The following SPRYD4 variants were observed in gnomAD, a reference collection of about 807,000 sequenced individuals.
SPRYD4 encodes SPRY domain containing 4.
In SPRYD4, 12 loss-of-function variants were observed where a neutral mutation model predicts 16.6. The ratio of observed to expected loss-of-function variants is 0.72; its 90% CI spans 0.46 to 1.17. SPRYD4 has a LOEUF of 1.17. Among genes scored for constraint, SPRYD4 ranks in the 50% most tolerant of loss-of-function variants. The pLI, the probability that SPRYD4 is intolerant of heterozygous loss-of-function variation, is 0.00. For synonymous variants in SPRYD4, 98 were observed against 105.4 expected, an observed-to-expected ratio of 0.93 and a Z score of 0.43; for missense variants, 260 against 260.2, an observed-to-expected ratio of 1.00 and a Z score of 0.00.
chr12:56,472,019 GC>G lies in SPRYD4; in HGVS notation c.*2446del. 1 of 1,374,506 alleles carries G rather than the reference GC, an allele frequency of 7.3e-7. No homozygotes were observed. The highest frequency in any genetic ancestry group is 1.0e-6 in the Non-Finnish European group (1 of 973,438). 85.1% of individuals were successfully genotyped at this position (1,374,506 alleles called of 1,614,324 possible). On this transcript the variant is annotated 3_prime_UTR_variant, in exon 2 of 2. Coordinates refer to ENST00000338146, the MANE Select transcript of SPRYD4 (RefSeq NM_207344.4). ...GGGTGTCTAGATAAAACTAGTTGCT[GC>G]CCCTATAACCTTGAGGGCACATATA...
rs1400511327 is a variant in SPRYD4, at chr12:56,468,948, G to GTA, written c.86-89_86-88dup. 2.1e-6 allele frequency: 3 copies of GTA among 1,458,678 alleles called. No homozygotes were observed. In the African/African-American group the frequency reaches 4.3e-5, roughly 21 times the overall value. The allele number at this position is 1,458,678 out of a possible 1,614,324, so 90.4% of individuals were successfully genotyped here. A position where few individuals can be genotyped will look rare whatever the true frequency, so the allele number is the denominator to read the frequency against. ...TTCTGACTCTTCCCTAGTTGCTCGT[G>GTA]TATCATGGCTGCCTGCCTCATATCT... On this transcript the variant is annotated intron_variant, in intron 1 of 1. Coordinates refer to ENST00000338146, the MANE Select transcript of SPRYD4 (RefSeq NM_207344.4).
chr12:56,476,944 G>T lies in SPRYD4; in HGVS notation c.*7367G>T, dbSNP rs1379875229. ...CTTAGATGGGAATGGGATGAGGCAGGTCCCAGATACAGGTTTGTAGATGGA... is the reference window on the plus strand; with the variant it reads ...CTTAGATGGGAATGGGATGAGGCAGTTCCCAGATACAGGTTTGTAGATGGA... On this transcript the variant is annotated 3_prime_UTR_variant, in exon 2 of 2. Coordinates refer to ENST00000338146, the MANE Select transcript of SPRYD4 (RefSeq NM_207344.4). 1.3e-5 allele frequency: 2 copies of T among 152,182 alleles called. No homozygotes were observed. Among genetic ancestry groups the T allele is most frequent in the Non-Finnish European group, 2.9e-5 (2 of 68,068 alleles). The allele number at this position is 152,182 out of a possible 1,614,324, so 9.4% of individuals were successfully genotyped here.
At position 56,477,971 on chromosome 12, in the gene SPRYD4, C is replaced by T; in HGVS notation, c.*8394C>T. 2.5e-6 allele frequency: 4 copies of T among 1,614,188 alleles called. No homozygotes were observed. Among genetic ancestry groups the T allele is most frequent in the Non-Finnish European group, 3.4e-6 (4 of 1,180,004 alleles). Reference sequence around the variant, plus strand: ...GGAGAGCTTGTTGTAGCGCAGGCCACTTGGCTCTTTGCCCACAAACTTGTG... The same window carrying T: ...GGAGAGCTTGTTGTAGCGCAGGCCATTTGGCTCTTTGCCCACAAACTTGTG... On this transcript the variant is annotated 3_prime_UTR_variant, in exon 2 of 2. Coordinates refer to ENST00000338146, the MANE Select transcript of SPRYD4 (RefSeq NM_207344.4).
At chr12:56,468,859 A>G in intron 1 of SPRYD4, 180 bp from the exon 2 acceptor site, 1 of 1,030,402 alleles carries the variant, frequency 9.7e-7, no homozygotes, top group Admixed American at 2.9e-5. Context: ...ACTCAATCCG[A>G]GTTTTTCAGC....
Position 56,478,298 on chromosome 12 carries a change from G to A in SPRYD4, c.*8721G>A, listed in dbSNP as rs140816669. 124 of 1,595,030 alleles carry A rather than the reference G, an allele frequency of 7.8e-5. No homozygotes were observed. In the African/African-American group the frequency reaches 1.3e-3, roughly 17 times the overall value. ...GTGGGTAGAGAAAAGGGAGATGGAT[G>A]TGGAGAAGAGGAACAGAGTTGAGGT... On this transcript the variant is annotated 3_prime_UTR_variant, in exon 2 of 2. Transcript: ENST00000338146.
Position 56,471,418 on chromosome 12 carries a change from G to A in SPRYD4, c.*1841G>A, listed in dbSNP as rs1869246118. The A allele has an allele frequency of 6.8e-7, 1 of 1,481,318 alleles. No homozygotes were observed. Among genetic ancestry groups the A allele is most frequent in the African/African-American group, 1.4e-5 (1 of 71,694 alleles). 91.8% of individuals were successfully genotyped at this position (1,481,318 alleles called of 1,614,324 possible). A position where few individuals can be genotyped will look rare whatever the true frequency, so the allele number is the denominator to read the frequency against. On this transcript the variant is annotated 3_prime_UTR_variant, in exon 2 of 2. Transcript: ENST00000338146. ...CAGTGTAGCTCTCCATAGTATTTTT[G>A]GTGGTTATGGATTACATGTGTGGCC... is the stretch of plus-strand genomic sequence containing the variant.
chr12:56,473,856 G>A lies in SPRYD4; in HGVS notation c.*4279G>A. The A allele has an allele frequency of 2.6e-6, 1 of 388,070 alleles. No individual in the cohort carries two copies. The highest frequency in any genetic ancestry group is 4.6e-6 in the Non-Finnish European group (1 of 218,308). 24.0% of individuals were successfully genotyped at this position (388,070 alleles called of 1,614,324 possible). A position where few individuals can be genotyped will look rare whatever the true frequency, so the allele number is the denominator to read the frequency against. ...GCTAGAACTAGGAACTTCCATTCTG[G>A]TGTTAGGAGATAGGTAATAAACAGG... is the stretch of plus-strand genomic sequence containing the variant. On this transcript the variant is annotated 3_prime_UTR_variant, in exon 2 of 2. Coordinates refer to ENST00000338146, the MANE Select transcript of SPRYD4 (RefSeq NM_207344.4).
At position 56,478,500 on chromosome 12, in the gene SPRYD4, G is replaced by A; in HGVS notation, c.*8923G>A. 2.0e-6 allele frequency: 1 copy of A among 512,140 alleles called. No homozygotes were observed. The highest frequency in any genetic ancestry group is 3.4e-5 in the East Asian group (1 of 29,432). The allele number at this position is 512,140 out of a possible 1,614,324, so 31.7% of individuals were successfully genotyped here. On this transcript the variant is annotated 3_prime_UTR_variant, in exon 2 of 2. Transcript: ENST00000338146. ...GTAAAGCCAATGGAAGTTAAAAAAG[G>A]AGAATTCTGAGGCAACCTTCCCCTT... is the stretch of plus-strand genomic sequence containing the variant.
chr12:56,475,452 T>C lies in SPRYD4; in HGVS notation c.*5875T>C, dbSNP rs1039606223. 17 of 727,544 alleles carry C rather than the reference T, an allele frequency of 2.3e-5. No homozygotes were observed. The highest frequency in any genetic ancestry group is 3.6e-5 in the Non-Finnish European group (16 of 448,342). The allele number at this position is 727,544 out of a possible 1,614,324, so 45.1% of individuals were successfully genotyped here. On this transcript the variant is annotated 3_prime_UTR_variant, in exon 2 of 2. Transcript: ENST00000338146. ...ACTAATTAGAAATGGAACAAATTAT[T>C]TTACAAGATAAACAAATGTTTATGA...
At position 56,477,605 on chromosome 12, in the gene SPRYD4, A is replaced by G; in HGVS notation, c.*8028A>G. 1 of 1,534,968 alleles carries G rather than the reference A, an allele frequency of 6.5e-7. No homozygotes were observed. The highest frequency in any genetic ancestry group is 1.1e-5 in the South Asian group (1 of 87,006). ...AGAGCTGAACAAATATGAGGGATAC[A>G]GGAACACAGGAGCTTAGAGGATAAT... On this transcript the variant is annotated 3_prime_UTR_variant, in exon 2 of 2. Coordinates refer to ENST00000338146, the MANE Select transcript of SPRYD4 (RefSeq NM_207344.4).
rs1482259412 is a variant in SPRYD4, at chr12:56,478,296, A to ATG, written c.*8722_*8723dup. 1 of 1,600,552 alleles carries ATG rather than the reference A, an allele frequency of 6.2e-7. No homozygotes were observed. The highest frequency in any genetic ancestry group is 2.2e-5 in the East Asian group (1 of 44,830). ...GAGTGGGTAGAGAAAAGGGAGATGG[A>ATG]TGTGGAGAAGAGGAACAGAGTTGAG... On this transcript the variant is annotated 3_prime_UTR_variant, in exon 2 of 2. Transcript: ENST00000338146.
chr12:56,475,880 G>A lies in SPRYD4; in HGVS notation c.*6303G>A. The stretch of plus-strand genomic sequence containing the variant: ...GTAGTGGGGTTAGAGAGCCACTGGG[G>A]CAGCTGGAGAGGACAGCATGCCATG... On this transcript the variant is annotated 3_prime_UTR_variant, in exon 2 of 2. Transcript: ENST00000338146. The A allele has an allele frequency of 1.3e-6, 2 of 1,565,618 alleles. No homozygotes were observed. Among genetic ancestry groups the A allele is most frequent in the Middle Eastern group, 3.4e-4 (2 of 5,926 alleles).
In SPRYD4 at chr12:56,474,357, C is replaced by T; in HGVS notation, c.*4780C>T. ...ACCTGCCTCGGCCTCCCAAAGACAT[C>T]TCTTTATATATTCGAGGAACTTGGT... On this transcript the variant is annotated 3_prime_UTR_variant, in exon 2 of 2. Coordinates refer to ENST00000338146, the MANE Select transcript of SPRYD4 (RefSeq NM_207344.4). 1 of 692,992 alleles carries T rather than the reference C, an allele frequency of 1.4e-6. No homozygotes were observed. Among genetic ancestry groups the T allele is most frequent in the South Asian group, 1.9e-5 (1 of 52,984 alleles). The allele number at this position is 692,992 out of a possible 1,614,324, so 42.9% of individuals were successfully genotyped here.
In SPRYD4 at chr12:56,477,763, C is replaced by G. The variant is rs1206569516; in HGVS notation, c.*8186C>G. On this transcript the variant is annotated 3_prime_UTR_variant, in exon 2 of 2. Transcript: ENST00000338146. ...CAAGAGTCTTAGCCACTGAACAAAGCCTCCCTGACAGCCCGCTCACTTTGT... is the reference window on the plus strand; with the variant it reads ...CAAGAGTCTTAGCCACTGAACAAAGGCTCCCTGACAGCCCGCTCACTTTGT... 4.4e-6 allele frequency: 7 copies of G among 1,584,064 alleles called. No individual in the cohort carries two copies. The highest frequency in any genetic ancestry group is 6.0e-6 in the Non-Finnish European group (7 of 1,161,380).
In SPRYD4 at chr12:56,470,947, A is replaced by G. The variant is rs1429992160; in HGVS notation, c.*1370A>G. On this transcript the variant is annotated 3_prime_UTR_variant, in exon 2 of 2. Coordinates refer to ENST00000338146, the MANE Select transcript of SPRYD4 (RefSeq NM_207344.4). ...GGAAGAAAGAAGGACTGGGTTTAGC[A>G]AAAATGATTTGGTAATTAAAGTTTA... 6.3e-6 allele frequency: 1 copy of G among 158,248 alleles called. No individual in the cohort carries two copies. Among genetic ancestry groups the G allele is most frequent in the Admixed American group, 6.5e-5 (1 of 15,430 alleles). The allele number at this position is 158,248 out of a possible 1,614,324, so 9.8% of individuals were successfully genotyped here. A position where few individuals can be genotyped will look rare whatever the true frequency, so the allele number is the denominator to read the frequency against.
Position 56,472,911 on chromosome 12 carries a change from G to A in SPRYD4, c.*3334G>A, listed in dbSNP as rs1463525061. ...TTTTTTTTTTTTTTTTTTTTGAGAC[G>A]GAGTCTCGCTCTGTCGTTCAGGCTG... On this transcript the variant is annotated 3_prime_UTR_variant, in exon 2 of 2. Coordinates refer to ENST00000338146, the MANE Select transcript of SPRYD4 (RefSeq NM_207344.4). 1.5e-5 allele frequency: 9 copies of A among 607,890 alleles called. No homozygotes were observed. Among genetic ancestry groups the A allele is most frequent in the Middle Eastern group, 3.7e-4 (1 of 2,736 alleles). The allele number at this position is 607,890 out of a possible 1,614,324, so 37.7% of individuals were successfully genotyped here. A position where few individuals can be genotyped will look rare whatever the true frequency, so the allele number is the denominator to read the frequency against.
Position 56,471,237 on chromosome 12 carries a change from G to A in SPRYD4, c.*1660G>A. The A allele has an allele frequency of 2.1e-6, 1 of 486,616 alleles. No homozygotes were observed. The highest frequency in any genetic ancestry group is 3.6e-6 in the Non-Finnish European group (1 of 278,290). 30.1% of individuals were successfully genotyped at this position (486,616 alleles called of 1,614,324 possible). A position where few individuals can be genotyped will look rare whatever the true frequency, so the allele number is the denominator to read the frequency against. Reference sequence around the variant, plus strand: ...TGGTTTTGAGTGGGGCAAGCCATTAGGCTGTACCTTGAAGCCCAGTCTCTC... The same window carrying A: ...TGGTTTTGAGTGGGGCAAGCCATTAAGCTGTACCTTGAAGCCCAGTCTCTC... On this transcript the variant is annotated 3_prime_UTR_variant, in exon 2 of 2. Transcript: ENST00000338146.
rs1869490683 is a variant in SPRYD4, at chr12:56,473,404, T to C, written c.*3827T>C. On this transcript the variant is annotated 3_prime_UTR_variant, in exon 2 of 2. Transcript: ENST00000338146. ...AATTGCTTTATTATAGTAAAAGTGGTACCATTAAACAAATTTATTGCTTCA... is the reference window on the plus strand; with the variant it reads ...AATTGCTTTATTATAGTAAAAGTGGCACCATTAAACAAATTTATTGCTTCA... 2 of 1,604,152 alleles carry C rather than the reference T, an allele frequency of 1.2e-6. No individual in the cohort carries two copies. The highest frequency in any genetic ancestry group is 3.4e-5 in the Admixed American group (2 of 58,696).
At chr12:56,468,990 C>T in intron 1 of SPRYD4, 49 bp from the exon 2 acceptor site, 1 of 1,516,554 alleles carries the variant, frequency 6.6e-7, no homozygotes. Context: ...ATCACCAGCC[C>T]TAGGGTTCTA....
Sources: allele counts gnomAD v4.1 joint callset, GRCh38; gene constraint gnomAD v4.1.1; transcripts MANE v1.5; gene names NCBI Gene and HGNC (gene_info 2026-07-23, HGNC 2026-07-21).